CLIP2: variants seen among roughly 807,000 people sequenced by gnomAD.
CLIP2 encodes the protein CAP-Gly domain containing linker protein 2.
Under a neutral mutation model 111.7 loss-of-function variants are expected in CLIP2, and 41 were observed. The observed-to-expected ratio is 0.37, with a 90% confidence interval of 0.29 to 0.48. The LOEUF (loss-of-function observed/expected upper bound fraction) is 0.48, where lower values mean the gene tolerates loss of function less well. Ranked by LOEUF, CLIP2 falls within the 20% of genes least tolerant of loss-of-function variation. The pLI is 0.99. For missense variants in CLIP2, 1,160 were observed against 1,422.1 expected, an observed-to-expected ratio of 0.82 and a Z score of 2.96; for synonymous variants, 660 against 644.2, an observed-to-expected ratio of 1.02 and a Z score of -0.37.
intron 11 of CLIP2, among the ~76,000 whole-genome samples, chr7:74,385,486 T>TA (rs1231912967): frequency 6.6e-6 from 1 of 151,010 alleles, no homozygotes; most frequent in Non-Finnish European, 1.5e-5. Flanking sequence ...AAAAAAAGGT[T>TA]AAAATCGTGT....
At chr7:74,296,056 T>G (rs1301366207) in intron 1 of CLIP2, among the ~76,000 whole-genome samples, 1 of 148,130 alleles carries the variant, frequency 6.8e-6, no homozygotes, top group Non-Finnish European at 1.5e-5. Context: ...ATTTGGGCCC[T>G]CATCTAATAT....
chr7:74,367,364 G>A lies in CLIP2; in HGVS notation c.1380+3049G>A, dbSNP rs187470658. On this transcript the variant is annotated intron_variant, in intron 8 of 16. Coordinates refer to ENST00000223398, the MANE Select transcript of CLIP2 (RefSeq NM_003388.5). ...CACCACCATGCCCGGCTAATTTTTT[G>A]TATTTTTAGTAGAGACGAGGTTTCA... is the stretch of plus-strand genomic sequence containing the variant. Among the ~76,000 whole-genome samples the A allele has an allele frequency of 2.0e-5, 3 of 152,044 alleles. No homozygotes were observed. In the East Asian group the frequency reaches 5.8e-4, roughly 29 times the overall value.
intron 1 of CLIP2, among the ~76,000 whole-genome samples, chr7:74,306,318 C>T (rs1402217242): frequency 6.6e-6 from 1 of 152,170 alleles, no homozygotes; most frequent in East Asian, 1.9e-4. Context: ...ACCCCAGCTG[C>T]TGGGACCCCC....
chr7:74,354,605 ACT>A (rs2116602597), intron 4 of CLIP2, among the ~76,000 whole-genome samples: 1 of 151,660 alleles, frequency 6.6e-6, no homozygotes, highest in Non-Finnish European at 1.5e-5. Context: ...ACAGAGTGAG[ACT>A]CTGTCTCAAA....
intron 1 of CLIP2, among the ~76,000 whole-genome samples, chr7:74,314,146 C>T (rs191274375): frequency 6.8e-6 from 1 of 146,816 alleles, no homozygotes; most frequent in African/African-American, 2.5e-5. Context: ...CGTGCCACTG[C>T]ACTCCAGCCT....
At chr7:74,333,848 C>T (rs781811010) in intron 2 of CLIP2, among the ~76,000 whole-genome samples, 15 of 152,084 alleles carry the variant, frequency 9.9e-5, no homozygotes, top group Admixed American at 2.0e-4. Context: ...TTTGCCTTCG[C>T]GGGGGTTTGC....
intron 8 of CLIP2, among the ~76,000 whole-genome samples, chr7:74,365,192 G>A (rs1448676001): frequency 6.6e-5 from 10 of 152,104 alleles, no homozygotes; most frequent in African/African-American, 1.7e-4. Context: ...TCCATTGGCA[G>A]TTGCTCTCCT....
At chr7:74,392,420 C>G (rs1791318623) in intron 13 of CLIP2, among the ~76,000 whole-genome samples, 1 of 151,582 alleles carries the variant, frequency 6.6e-6, no homozygotes, top group Admixed American at 6.6e-5. Flanking sequence ...TGGGTCCCAG[C>G]TACTCAGGAG....
intron 3 of CLIP2, among the ~76,000 whole-genome samples, chr7:74,344,929 A>G (rs1370223154): frequency 1.3e-5 from 2 of 152,118 alleles, no homozygotes; most frequent in African/African-American, 4.8e-5. Flanking sequence ...GAGGAGACAG[A>G]GGAGGGTGGG....
intron 2 of CLIP2, among the ~76,000 whole-genome samples, chr7:74,327,422 A>T (rs926939711): frequency 6.6e-6 from 1 of 152,146 alleles, no homozygotes; most frequent in Non-Finnish European, 1.5e-5. Flanking sequence ...GTTCTAGTTC[A>T]CTGAGCTCAA....
rs782294605 is a variant in CLIP2 at position 74,376,756 on chromosome 7, G to T, written c.2355G>T (p.Glu785Asp). 5.0e-6 allele frequency: 8 copies of T among 1,612,110 alleles called. No homozygotes were observed. Among genetic ancestry groups the T allele is most frequent in the Non-Finnish European group, 5.1e-6 (6 of 1,179,546 alleles). ...QGKQEVESLR[E>D]KLLVAENRLQ... is the part of the protein sequence containing the mutation. ...AACAGGAGGTCGAGAGTTTGCGGGA[G>T]AAGCTCCTGGTGGCTGAGAACAGAC... Residue 785 changes from glutamate (E) to aspartate (D), a missense_variant, in exon 10 of 17, where the codon GAG (glutamate) becomes GAT (aspartate). Glu to Asp is a conservative substitution (Grantham distance 45, BLOSUM62 2). Around this residue, in one of 5 missense-constraint regions of CLIP2, gnomAD observed 676 missense variants for 777.8 expected, o/e 0.87. Coordinates refer to ENST00000223398, the MANE Select transcript of CLIP2 (RefSeq NM_003388.5). The surrounding 1 kb of genome is among the most constrained non-coding windows in gnomAD (Gnocchi z 7.1).
At chr7:74,401,110 G>A (rs563117873) in intron 15 of CLIP2, among the ~76,000 whole-genome samples, 1 of 152,014 alleles carries the variant, frequency 6.6e-6, no homozygotes, top group African/African-American at 2.4e-5. Context: ...TCTGAAGGGG[G>A]AGGCAGCTCT....
intron 14 of CLIP2, among the ~76,000 whole-genome samples, chr7:74,397,967 G>A (rs574264019): frequency 2.0e-5 from 3 of 150,884 alleles, no homozygotes; most frequent in East Asian, 4.0e-4. Flanking sequence ...GCGCCCGGTC[G>A]AGATTTCTTT....
At position 74,404,085 on chromosome 7, in the gene CLIP2, G is replaced by A. The variant is rs962522911; in HGVS notation, c.*237G>A. The A allele has an allele frequency of 3.5e-5, 18 of 520,200 alleles. No individual in the cohort carries two copies. The highest frequency in any genetic ancestry group is 3.4e-4 in the Admixed American group (11 of 32,708). The allele number at this position is 520,200 out of a possible 1,614,324, so 32.2% of individuals were successfully genotyped here. ...GAACGGTACAGCCCCGGCCTGACCCGGGGACCTTCAGCCTGGACACCCGGC... is the reference window on the plus strand; with the variant it reads ...GAACGGTACAGCCCCGGCCTGACCCAGGGACCTTCAGCCTGGACACCCGGC... On this transcript the variant is annotated 3_prime_UTR_variant, in exon 17 of 17. Transcript: ENST00000223398.
intron 16 of CLIP2, among the ~76,000 whole-genome samples, chr7:74,403,398 A>T (rs1268533341): frequency 6.6e-6 from 1 of 151,404 alleles, no homozygotes; most frequent in Admixed American, 6.6e-5. Flanking sequence ...GTGAAACCCC[A>T]TCTCTACTAA....
At chr7:74,375,829 CCTT>C (rs1790758602) in intron 9 of CLIP2, 55 bp from the exon 10 acceptor site, 2 of 1,422,572 alleles carry the variant, frequency 1.4e-6, no homozygotes, top group South Asian at 2.9e-5. Context: ...ATTGTGCCCT[CCTT>C]ACCTTCCAGC....
intron 1 of CLIP2, among the ~76,000 whole-genome samples, chr7:74,292,962 C>A (rs1788068460): frequency 6.6e-6 from 1 of 152,202 alleles, no homozygotes; most frequent in South Asian, 2.1e-4. Context: ...CGCTATCTAG[C>A]TTTTAGGGTC....
rs868987329 is a variant in CLIP2, at chr7:74,372,793, T to C, written c.1381-139T>C. 223 of 644,464 alleles carry C rather than the reference T, an allele frequency of 3.5e-4. 2 individuals are homozygous for C. The Middle Eastern group carries it at 4.7e-3, about 14-fold the overall frequency. 39.9% of individuals were successfully genotyped at this position (644,464 alleles called of 1,614,324 possible). ...GCAATTCTGGCTCATGAATCTACTC[T>C]CCTCGCCTTGTTCACGGAAGATGAC... On this transcript the variant is annotated intron_variant, in intron 8 of 16. Transcript: ENST00000223398.
chr7:74,353,343 T>C (rs1376402884), intron 3 of CLIP2, among the ~76,000 whole-genome samples: 9 of 151,634 alleles, frequency 5.9e-5, no homozygotes, highest in African/African-American at 1.9e-4. Context: ...CTCCACCTCC[T>C]GGGTTCATGC....
Sources: gnomAD v4.1 joint callset for allele counts (sites outside exome capture counted in the v4.1 genomes callset) on GRCh38, gnomAD v4.1.1 for gene constraint, gnomAD v4.1.1 regional missense constraint, Gnocchi (gnomAD v3.1) non-coding constraint, MANE v1.5 for transcripts, NCBI Gene and HGNC (gene_info 2026-07-23, HGNC 2026-07-21) for gene names.